The following FREM2 variants were observed in gnomAD, a reference collection of about 807,000 sequenced individuals.
FREM2 encodes FRAS1 related extracellular matrix 2.
FREM2 carries 119 observed loss-of-function variants against 219.9 expected under a neutral mutation model. The ratio of observed to expected loss-of-function variants is 0.54; its 90% CI spans 0.47 to 0.63. FREM2 has a LOEUF of 0.63. Ranked by LOEUF, FREM2 falls within the 30% of genes least tolerant of loss-of-function variation. The probability of loss-of-function intolerance (pLI) is 0.00; values close to 1 mark genes in which losing one functional copy is unlikely to be tolerated. For synonymous variants in FREM2, 1,562 were observed against 1,522.8 expected, an observed-to-expected ratio of 1.03 and a Z score of -0.60; for missense variants, 4,030 against 3,993.6, an observed-to-expected ratio of 1.01 and a Z score of -0.25.
Position 38,689,611 on chromosome 13 carries a change from C to T in FREM2, c.2267C>T (p.Ala756Val), listed in dbSNP as rs769275422. ...GACACAGACGAAAATCACCTGCCAG[C>T]CCCACTGGGTACCTTGGTCTTGACT... ...PTDTDENHLPAPLGTLVLTDN... is the reference protein window; with the variant it reads ...PTDTDENHLPVPLGTLVLTDN... The change falls in exon 1 of 24, where the codon GCC becomes GTC. Residue 756 changes from alanine to valine, a missense_variant. By Grantham distance (64) the Ala-to-Val change is moderately conservative (BLOSUM62 0). This residue lies in a region of FREM2 where 3,102 missense variants were observed against 2,950.7 expected (regional missense o/e 1.05). Coordinates refer to ENST00000280481, the MANE Select transcript of FREM2 (RefSeq NM_207361.6). 1.2e-6 allele frequency: 2 copies of T among 1,613,588 alleles called. No homozygotes were observed. The highest frequency in any genetic ancestry group is 8.5e-7 in the Non-Finnish European group (1 of 1,179,724).
At chr13:38,834,574 A>G (rs1208064564) in intron 6 of FREM2, among the ~76,000 whole-genome samples, 9 of 152,214 alleles carry the variant, frequency 5.9e-5, no homozygotes. Context: ...CCAACAGTGT[A>G]AAAGCATTCC....
intron 6 of FREM2, among the ~76,000 whole-genome samples, chr13:38,816,389 C>A (rs1217357693): frequency 1.3e-5 from 2 of 152,140 alleles, no homozygotes; most frequent in Non-Finnish European, 2.9e-5. Context: ...TCACTGTGGT[C>A]AAGTGGAGTT....
intron 2 of FREM2, among the ~76,000 whole-genome samples, chr13:38,752,896 C>T (rs763361644): frequency 1.3e-5 from 2 of 152,118 alleles, no homozygotes; most frequent in Non-Finnish European, 2.9e-5. Flanking sequence ...CTCAGAGTCT[C>T]CTTTGGGGTG....
chr13:38,796,150 G>A (rs1190270167), intron 6 of FREM2, among the ~76,000 whole-genome samples: 1 of 152,124 alleles, frequency 6.6e-6, no homozygotes, highest in Non-Finnish European at 1.5e-5. Flanking sequence ...CCATAACTGT[G>A]TACAGCAACT....
At chr13:38,703,397 T>G (rs1428031622) in intron 2 of FREM2, among the ~76,000 whole-genome samples, 1 of 152,120 alleles carries the variant, frequency 6.6e-6, no homozygotes. Flanking sequence ...AATAAGATGG[T>G]GAAGTAATGT....
intron 2 of FREM2, among the ~76,000 whole-genome samples, chr13:38,743,626 G>A (rs936083580): frequency 6.6e-6 from 1 of 152,112 alleles, no homozygotes; most frequent in Non-Finnish European, 1.5e-5. Context: ...AAGCCCAGAG[G>A]CATCACTTGA....
chr13:38,784,845 G>A (rs1346070148), intron 6 of FREM2, 37 bp downstream of exon 6: 1 of 1,609,392 alleles, frequency 6.2e-7, no homozygotes, highest in Non-Finnish European at 8.5e-7. Context: ...TTTTTCCCGG[G>A]AAGATCAACA....
intron 2 of FREM2, among the ~76,000 whole-genome samples, chr13:38,744,610 G>C (rs1384937727): frequency 6.6e-6 from 1 of 152,082 alleles, no homozygotes; most frequent in African/African-American, 2.4e-5. Flanking sequence ...TCCTGCCTCA[G>C]CCTCCCGAGT....
Position 38,728,115 on chromosome 13 carries a change from G to A in FREM2, c.5263+30328G>A, listed in dbSNP as rs546019199. On this transcript the variant is annotated intron_variant, in intron 2 of 23. Coordinates refer to ENST00000280481, the MANE Select transcript of FREM2 (RefSeq NM_207361.6). The stretch of plus-strand genomic sequence containing the variant: ...AGTTAATGGTACATTAAGCACTAGA[G>A]TCCTTGGTTTTAAGCTTTGCCGTGT... Among the ~76,000 whole-genome samples, 28 of 152,202 alleles carry A rather than the reference G, an allele frequency of 1.8e-4. No homozygotes were observed. In the South Asian group the frequency reaches 5.8e-3, roughly 32 times the overall value.
intron 6 of FREM2, among the ~76,000 whole-genome samples, chr13:38,845,787 C>G (rs188949280): frequency 6.6e-6 from 1 of 152,084 alleles, no homozygotes; most frequent in Admixed American, 6.6e-5. Flanking sequence ...CCATTGGTCA[C>G]AGTTTGAGTC....
intron 2 of FREM2, among the ~76,000 whole-genome samples, chr13:38,701,951 C>T (rs1870359881): frequency 6.6e-6 from 1 of 151,988 alleles, no homozygotes; most frequent in South Asian, 2.1e-4. Context: ...AGGCTGAGCA[C>T]GAGGTAAATA....
At chr13:38,857,504 C>G (rs1877604496) in intron 12 of FREM2, among the ~76,000 whole-genome samples, 1 of 152,108 alleles carries the variant, frequency 6.6e-6, no homozygotes, top group African/African-American at 2.4e-5. Flanking sequence ...CAGCTTTACT[C>G]CCACTGTCAA....
intron 2 of FREM2, among the ~76,000 whole-genome samples, chr13:38,725,798 G>A (rs977573418): frequency 2.0e-5 from 3 of 152,154 alleles, no homozygotes; most frequent in Admixed American, 6.6e-5. Context: ...AGGTTCAAGC[G>A]ATTGGATGAA....
intron 2 of FREM2, among the ~76,000 whole-genome samples, chr13:38,751,795 TCTAA>T (rs1468944506): frequency 6.6e-6 from 1 of 152,006 alleles, no homozygotes; most frequent in East Asian, 1.9e-4. Context: ...CTGTACATTG[TCTAA>T]CTTTTTTTTT....
At chr13:38,695,179 A>G (rs1160840862) in intron 1 of FREM2, among the ~76,000 whole-genome samples, 1 of 152,208 alleles carries the variant, frequency 6.6e-6, no homozygotes, top group Non-Finnish European at 1.5e-5. Context: ...ACGTTATTAC[A>G]TTTATATATA....
chr13:38,819,260 A>C (rs1315416657), intron 6 of FREM2, among the ~76,000 whole-genome samples: 1 of 152,150 alleles, frequency 6.6e-6, no homozygotes, highest in Non-Finnish European at 1.5e-5. Context: ...CAGGAAAAGC[A>C]TTAAAGAGCT....
chr13:38,866,038 C>T (rs1877949609), intron 16 of FREM2, among the ~76,000 whole-genome samples: 1 of 152,186 alleles, frequency 6.6e-6, no homozygotes, highest in Non-Finnish European at 1.5e-5. Context: ...CTACTTCCTT[C>T]ATGTCTTCCT....
intron 2 of FREM2, among the ~76,000 whole-genome samples, chr13:38,709,332 C>T (rs1870668560): frequency 6.6e-6 from 1 of 152,070 alleles, no homozygotes; most frequent in South Asian, 2.1e-4. Flanking sequence ...ATATTTGGAT[C>T]TCAAAGCTAG....
At chr13:38,822,737 A>G (rs944743516) in intron 6 of FREM2, among the ~76,000 whole-genome samples, 50 of 152,062 alleles carry the variant, frequency 3.3e-4, no homozygotes, top group Non-Finnish European at 6.0e-4. Context: ...AAATAGTAAT[A>G]TGTATTCGAT....
Sources: allele counts gnomAD v4.1 joint callset (sites outside exome capture counted in the v4.1 genomes callset), GRCh38; gene constraint gnomAD v4.1.1; regional missense constraint gnomAD v4.1.1; transcripts MANE v1.5; gene names NCBI Gene and HGNC (gene_info 2026-07-23, HGNC 2026-07-21).